The following ZSCAN25 variants were observed in gnomAD, a reference collection of about 807,000 sequenced individuals.
The protein encoded by ZSCAN25 is zinc finger and SCAN domain containing 25, also known as zinc finger and SCAN domain-containing protein 25.
Under a neutral mutation model 38.7 loss-of-function variants are expected in ZSCAN25, and 27 were observed. The observed-to-expected ratio is 0.70, with a 90% confidence interval of 0.51 to 0.96. ZSCAN25 has a LOEUF of 0.96. Among genes scored for constraint, ZSCAN25 ranks in the 40% least tolerant of loss-of-function variants. ZSCAN25 has a pLI of 0.00. For missense variants in ZSCAN25, 637 were observed against 705.9 expected (o/e 0.90, Z 1.11); for synonymous variants, 273 against 277.7 (o/e 0.98, Z 0.17).
chr7:99,618,184 A>G (rs1584338442), intron 1 of ZSCAN25: 1 of 152,212 alleles, frequency 6.6e-6, no homozygotes, highest in African/African-American at 2.4e-5. Flanking sequence ...TTCCCAGTCT[A>G]GGTCTTCCGC....
the ZSCAN25 span, among the ~76,000 whole-genome samples, chr7:99,737,789 A>T: frequency 2.0e-5 from 3 of 152,228 alleles, no homozygotes; most frequent in African/African-American, 7.2e-5. Context: ...GTTGCTTGGA[A>T]TTCAAATGCA....
chr7:99,631,151 TG>T lies in ZSCAN25; in HGVS notation c.*1134del, dbSNP rs1460597607. 8.1e-6 allele frequency: 8 copies of T among 985,358 alleles called. No individual in the cohort carries two copies. Among genetic ancestry groups the T allele is most frequent in the Middle Eastern group, 5.2e-4 (1 of 1,936 alleles). The allele number at this position is 985,358 out of a possible 1,614,324, so 61.0% of individuals were successfully genotyped here. On this transcript the variant is annotated 3_prime_UTR_variant, in exon 8 of 8. Coordinates refer to ENST00000394152, the MANE Select transcript of ZSCAN25 (RefSeq NM_145115.3). The stretch of plus-strand genomic sequence containing the variant: ...CCCGTGGATATTCCTGCAAATCCTC[TG>T]GGCCTGTATTCATTGCTTTGTCAGC...
rs1807324846 is a variant in ZSCAN25 at position 99,624,777 on chromosome 7, G to T, written c.805+597G>T. Among the ~76,000 whole-genome samples, 2 of 152,136 alleles carry T rather than the reference G, an allele frequency of 1.3e-5. 1 individual carries two copies. Among genetic ancestry groups the T allele is most frequent in the Admixed American group, 1.3e-4 (2 of 15,276 alleles). On this transcript the variant is annotated intron_variant, in intron 7 of 7. Transcript: ENST00000394152. ...GATGCGGCCATTGTGTGTGACAGCA[G>T]CTCATGGGAGGAGGAGCAGCGAGAG...
the ZSCAN25 span, among the ~76,000 whole-genome samples, chr7:99,724,444 A>T: frequency 5.9e-5 from 9 of 152,082 alleles, no homozygotes; most frequent in Admixed American, 3.9e-4. Flanking sequence ...CTCTGCTCCC[A>T]GTGTGACTCA....
the ZSCAN25 span, chr7:99,680,036 AAGG>A: frequency 1.4e-6 from 1 of 739,344 alleles, no homozygotes; most frequent in African/African-American, 1.7e-5. Context: ...TGTGCTGGAG[AAGG>A]AGGCAGGGCT....
chr7:99,627,837 T>G (rs1240270211), intron 7 of ZSCAN25, among the ~76,000 whole-genome samples: 1 of 152,076 alleles, frequency 6.6e-6, no homozygotes, highest in Non-Finnish European at 1.5e-5. Flanking sequence ...ATGTATATAC[T>G]GTATATGTAT....
chr7:99,632,236 A>T lies in ZSCAN25; in HGVS notation c.*2216A>T, dbSNP rs1323557970. Reference sequence around the variant, plus strand: ...AGCCTCTAAGTAGGGGGTTTTTCCCATGGGATTGTGGTAGTCTGATTTTTC... The same window carrying T: ...AGCCTCTAAGTAGGGGGTTTTTCCCTTGGGATTGTGGTAGTCTGATTTTTC... On this transcript the variant is annotated 3_prime_UTR_variant, in exon 8 of 8. Transcript: ENST00000394152. 1.1e-5 allele frequency: 11 copies of T among 985,072 alleles called. No individual in the cohort carries two copies. The highest frequency in any genetic ancestry group is 1.3e-5 in the Non-Finnish European group (11 of 829,778). The allele number at this position is 985,072 out of a possible 1,614,324, so 61.0% of individuals were successfully genotyped here. A position where few individuals can be genotyped will look rare whatever the true frequency, so the allele number is the denominator to read the frequency against.
the ZSCAN25 span, among the ~76,000 whole-genome samples, chr7:99,682,852 C>T: frequency 6.6e-6 from 1 of 151,872 alleles, no homozygotes; most frequent in East Asian, 1.9e-4. Context: ...AGTTAATTCC[C>T]AGGTATTTAG....
At chr7:99,728,565 C>A in the ZSCAN25 span, among the ~76,000 whole-genome samples, 4 of 152,196 alleles carry the variant, frequency 2.6e-5, no homozygotes, top group Non-Finnish European at 5.9e-5. Flanking sequence ...TTGCCTCACA[C>A]AAGGCCTCTG....
At position 99,619,654 on chromosome 7, in the gene ZSCAN25, G is replaced by T. The variant is rs767644729; in HGVS notation, c.48G>T (p.Leu16Phe). The change falls in exon 4 of 8, where the codon TTG becomes TTT. Residue 16 changes from leucine (L) to phenylalanine (F), a missense_variant. Physicochemically the swap from Leu to Phe is conservative, Grantham distance 22 (BLOSUM62 0). Coordinates refer to ENST00000394152, the MANE Select transcript of ZSCAN25 (RefSeq NM_145115.3). ...PEMAEAPQQQ[L>F]GIPVVKLEKE... ...TGGCGGAAGCTCCTCAGCAGCAGTT[G>T]GGTATTCCTGTGGTGAAACTGGAGA... is the stretch of plus-strand genomic sequence containing the variant. 8.7e-6 allele frequency: 14 copies of T among 1,614,218 alleles called. No individual in the cohort carries two copies. Among genetic ancestry groups the T allele is most frequent in the Non-Finnish European group, 1.2e-5 (14 of 1,180,024 alleles).
intron 4 of ZSCAN25, chr7:99,620,289 T>TG (rs1245153840): frequency 2.6e-6 from 1 of 391,904 alleles, no homozygotes; most frequent in South Asian, 3.8e-5. Context: ...TGATTGTTTT[T>TG]GGGGTCCCTC....
chr7:99,690,834 C>T, the ZSCAN25 span, among the ~76,000 whole-genome samples: 1 of 152,180 alleles, frequency 6.6e-6, no homozygotes, highest in African/African-American at 2.4e-5. Flanking sequence ...AACACTTTTA[C>T]ACTGTTGGTG....
the ZSCAN25 span, among the ~76,000 whole-genome samples, chr7:99,661,866 T>C: frequency 2.0e-5 from 3 of 152,260 alleles, no homozygotes; most frequent in Non-Finnish European, 4.4e-5. Context: ...TATCCACATG[T>C]GGCTATTTAA....
intron 7 of ZSCAN25, among the ~76,000 whole-genome samples, chr7:99,628,145 A>C (rs1267162242): frequency 6.6e-6 from 1 of 152,210 alleles, no homozygotes; most frequent in Non-Finnish European, 1.5e-5. Context: ...ATCCAAAAAA[A>C]TAAAAATAAA....
chr7:99,685,233 G>T, the ZSCAN25 span: 4 of 1,613,432 alleles, frequency 2.5e-6, no homozygotes, highest in Admixed American at 3.3e-5. Flanking sequence ...ATTTCAGCGG[G>T]ATCTGCAACA....
chr7:99,732,460 A>G, the ZSCAN25 span, among the ~76,000 whole-genome samples: 3 of 152,082 alleles, frequency 2.0e-5, no homozygotes, highest in Non-Finnish European at 4.4e-5. Context: ...AAGGTGATCA[A>G]TTACAAAGCA....
At chr7:99,638,875 G>A in the ZSCAN25 span, 1 of 582,492 alleles carries the variant, frequency 1.7e-6, no homozygotes, top group Non-Finnish European at 3.1e-6. Context: ...TTTGCGGCCT[G>A]CCTGGGAGTT....
chr7:99,708,938 G>T, the ZSCAN25 span: 1 of 1,356,262 alleles, frequency 7.4e-7, no homozygotes, highest in Non-Finnish European at 1.0e-6. Flanking sequence ...AAAAAGACAA[G>T]CAAACGATTG....
downstream of ZSCAN25, among the ~76,000 whole-genome samples, chr7:99,632,992 T>TC (rs1808114421): frequency 6.9e-6 from 1 of 145,142 alleles, no homozygotes; most frequent in African/African-American, 2.8e-5. Flanking sequence ...TTCTGTTGTT[T>TC]TTTTTTTTTT....
Sources: allele counts gnomAD v4.1 joint callset (sites outside exome capture counted in the v4.1 genomes callset), GRCh38; gene constraint gnomAD v4.1.1; transcripts MANE v1.5; gene names NCBI Gene and HGNC (gene_info 2026-07-23, HGNC 2026-07-21).